Variants in MYT1L observed in about 807,000 individuals in gnomAD.
MYT1L encodes the protein myelin transcription factor 1 like.
MYT1L carries 12 observed loss-of-function variants against 126.7 expected under a neutral mutation model. The observed-to-expected ratio is 0.09, with a 90% confidence interval of 0.06 to 0.15. The LOEUF (loss-of-function observed/expected upper bound fraction) is 0.15. MYT1L is among the 10% of genes least tolerant of loss of function. The probability of loss-of-function intolerance (pLI) is 1.00; values close to 1 mark genes in which losing one functional copy is unlikely to be tolerated. For missense variants in MYT1L, 979 were observed against 1,585.2 expected (o/e 0.62, Z 6.49); for synonymous variants, 541 against 604.2 (o/e 0.90, Z 1.53).
intron 3 of MYT1L, among the ~76,000 whole-genome samples, chr2:2,070,389 A>G (rs889342770): frequency 6.6e-6 from 1 of 152,192 alleles, no homozygotes; most frequent in African/African-American, 2.4e-5. Flanking sequence ...GGGGTCGCTC[A>G]GGGTGGGGGA....
intron 2 of MYT1L, among the ~76,000 whole-genome samples, chr2:2,222,587 T>C (rs550888620): frequency 6.6e-6 from 1 of 152,296 alleles, no homozygotes; most frequent in African/African-American, 2.4e-5. Flanking sequence ...TTTAAATATA[T>C]GTTTGTAAAT....
intron 8 of MYT1L, among the ~76,000 whole-genome samples, chr2:1,953,620 TC>T (rs1190759909): frequency 2.6e-5 from 4 of 152,354 alleles, no homozygotes; most frequent in Middle Eastern, 3.4e-3. Context: ...TTAGCTGTTT[TC>T]TTTTTGGTTT....
chr2:2,122,208 T>G (rs947597484), intron 3 of MYT1L, among the ~76,000 whole-genome samples: 1 of 152,184 alleles, frequency 6.6e-6, no homozygotes, highest in Non-Finnish European at 1.5e-5. Flanking sequence ...ACTGTCTGGC[T>G]TGGAGTCTGA....
intron 4 of MYT1L, among the ~76,000 whole-genome samples, chr2:2,003,942 A>C (rs376392981): frequency 3.2e-4 from 47 of 148,922 alleles, no homozygotes; most frequent in South Asian, 6.6e-4. Flanking sequence ...TTCCTGCATG[A>C]GTTCTTTCCT....
intron 2 of MYT1L, among the ~76,000 whole-genome samples, chr2:2,255,892 T>C (rs2094797136): frequency 6.6e-6 from 1 of 152,204 alleles, no homozygotes; most frequent in Non-Finnish European, 1.5e-5. Flanking sequence ...GTTGAAGTGA[T>C]GAAAGTTGTG....
In MYT1L at chr2:1,922,427, T is replaced by C. The variant is rs932598635; in HGVS notation, c.1342A>G (p.Met448Val). ...IALETERAKA[M>V]REKMAMEAGR... ...GCTTCCATGGCCATCTTCTCCCTCA[T>C]GGCCTTTGCTCTTTCCGTTTCCAAA... Residue 448 changes from methionine (M) to valine (V), a missense_variant, in exon 10 of 25, where the codon ATG becomes GTG. Physicochemically the swap from Met to Val is conservative, Grantham distance 21 (BLOSUM62 1). Around this residue, in one of 12 missense-constraint regions of MYT1L, gnomAD observed 67 missense variants for 80.3 expected, o/e 0.83. Coordinates refer to ENST00000647738, the MANE Select transcript of MYT1L (RefSeq NM_001303052.2). This position sits in a 1 kb window ranked among gnomAD's most constrained non-coding sequence, Gnocchi z 7.4. The C allele has an allele frequency of 2.5e-6, 4 of 1,613,866 alleles. No homozygotes were observed. The highest frequency in any genetic ancestry group is 2.5e-6 in the Non-Finnish European group (3 of 1,179,902).
At chr2:2,275,667 T>A (rs1454028972) in intron 2 of MYT1L, among the ~76,000 whole-genome samples, 1 of 152,172 alleles carries the variant, frequency 6.6e-6, no homozygotes, top group Non-Finnish European at 1.5e-5. Context: ...AATGTGAGCA[T>A]CACTTACCTT....
intron 3 of MYT1L, among the ~76,000 whole-genome samples, chr2:2,103,692 T>C (rs73911357): frequency 0.012 from 1,880 of 152,352 alleles, 36 homozygotes; most frequent in African/African-American, 0.039. Flanking sequence ...CTCTGCCTCC[T>C]GGTCCATCCC....
At chr2:2,323,640 G>T (rs568981648) in intron 1 of MYT1L, among the ~76,000 whole-genome samples, 1 of 152,324 alleles carries the variant, frequency 6.6e-6, no homozygotes, top group South Asian at 2.1e-4. Flanking sequence ...TAGGATTCCA[G>T]CAGGCTCTTT....
chr2:1,882,824 C>T (rs2047732906), intron 18 of MYT1L, among the ~76,000 whole-genome samples: 1 of 152,112 alleles, frequency 6.6e-6, no homozygotes, highest in South Asian at 2.1e-4. Context: ...ATCTAAGCCT[C>T]GGGATGGTCT....
At chr2:1,868,619 T>C (rs2045895247) in intron 18 of MYT1L, among the ~76,000 whole-genome samples, 2 of 152,208 alleles carry the variant, frequency 1.3e-5, no homozygotes, top group Non-Finnish European at 2.9e-5. Flanking sequence ...GAAGGCTCTT[T>C]GAAGGCTTAG....
intron 18 of MYT1L, among the ~76,000 whole-genome samples, chr2:1,861,922 C>G (rs2148626661): frequency 6.6e-6 from 1 of 152,266 alleles, no homozygotes; most frequent in African/African-American, 2.4e-5. Flanking sequence ...CTGGATCCTC[C>G]TGCAGCCTGT....
At chr2:1,983,774 C>T (rs1221814783) in intron 5 of MYT1L, among the ~76,000 whole-genome samples, 1 of 152,206 alleles carries the variant, frequency 6.6e-6, no homozygotes, top group Non-Finnish European at 1.5e-5. Context: ...ACTTACTGAA[C>T]CCGTGAATGG....
At chr2:1,860,269 G>C (rs2044416810) in intron 18 of MYT1L, among the ~76,000 whole-genome samples, 1 of 152,194 alleles carries the variant, frequency 6.6e-6, no homozygotes, top group Admixed American at 6.5e-5. Context: ...AGAGGCTGGG[G>C]CCGCCGGAGC....
chr2:2,023,661 T>C (rs1449792007), intron 4 of MYT1L, among the ~76,000 whole-genome samples: 1 of 151,088 alleles, frequency 6.6e-6, no homozygotes, highest in African/African-American at 2.4e-5. Flanking sequence ...GACTGAATAG[T>C]TGGATGGGGA....
intron 18 of MYT1L, among the ~76,000 whole-genome samples, chr2:1,861,784 TG>T (rs1558190637): frequency 1.6e-3 from 8 of 5,012 alleles, no homozygotes; most frequent in African/African-American, 5.6e-3. Flanking sequence ...ATCCTGGATC[TG>T]CCTGCAGACT....
At chr2:2,240,958 G>A (rs1265734275) in intron 2 of MYT1L, among the ~76,000 whole-genome samples, 5 of 152,138 alleles carry the variant, frequency 3.3e-5, no homozygotes, top group Non-Finnish European at 5.9e-5. Flanking sequence ...GTGTCCCTGC[G>A]ATTTGGGGTT....
At chr2:2,216,770 AG>A (rs1340395692) in intron 2 of MYT1L, among the ~76,000 whole-genome samples, 1 of 150,958 alleles carries the variant, frequency 6.6e-6, no homozygotes, top group East Asian at 1.9e-4. Context: ...ATCCCTGGTC[AG>A]GCTGGTCAGG....
intron 3 of MYT1L, among the ~76,000 whole-genome samples, chr2:2,164,605 C>A (rs73913235): frequency 1.3e-3 from 198 of 152,256 alleles, no homozygotes; most frequent in African/African-American, 4.3e-3. Context: ...AGGGTAGCCA[C>A]CCCAGATTGT....
Sources: allele counts gnomAD v4.1 joint callset (sites outside exome capture counted in the v4.1 genomes callset), GRCh38; gene constraint gnomAD v4.1.1; regional missense constraint gnomAD v4.1.1; non-coding constraint Gnocchi (gnomAD v3.1); transcripts MANE v1.5; gene names NCBI Gene and HGNC (gene_info 2026-07-23, HGNC 2026-07-21).